Variants in SLA2 observed in about 807,000 individuals in gnomAD.
SLA2 encodes the protein Src like adaptor 2.
In SLA2, 22 loss-of-function variants were observed where a neutral mutation model predicts 27.3. That is an observed-to-expected ratio of 0.81 (90% CI 0.58 to 1.15). The LOEUF (loss-of-function observed/expected upper bound fraction) is 1.15. Among genes scored for constraint, SLA2 ranks in the 50% most tolerant of loss-of-function variants. The pLI is 0.00. For missense variants in SLA2, 304 were observed against 322.2 expected, an observed-to-expected ratio of 0.94 and a Z score of 0.43; for synonymous variants, 131 against 137.8, an observed-to-expected ratio of 0.95 and a Z score of 0.34.
intron 5 of SLA2, among the ~76,000 whole-genome samples, chr20:36,630,839 G>C (rs909252430): frequency 1.3e-5 from 2 of 152,162 alleles, no homozygotes; most frequent in Admixed American, 6.5e-5. Context: ...CCTGCACCTG[G>C]GGTGGGAGAA....
In SLA2 at chr20:36,612,532, G is replaced by A; in HGVS notation, c.*1334C>T. On this transcript the variant is annotated 3_prime_UTR_variant, in exon 8 of 8. Transcript: ENST00000262866. ...CATTGTAGAATGTTTTCACATACTTGAATAAATCAAATCTTTAATTGAGAA... is the reference window on the plus strand; with the variant it reads ...CATTGTAGAATGTTTTCACATACTTAAATAAATCAAATCTTTAATTGAGAA... The A allele has an allele frequency of 2.6e-6, 1 of 388,800 alleles. No individual in the cohort carries two copies. Among genetic ancestry groups the A allele is most frequent in the Non-Finnish European group, 4.8e-6 (1 of 207,430 alleles). The allele number at this position is 388,800 out of a possible 1,614,324, so 24.1% of individuals were successfully genotyped here.
rs2039185513 is a variant in SLA2, at chr20:36,614,584, T to C, written c.533-147A>G. ...CATGAGCCCCAAGCTATTGGTTTCA[T>C]GGAGACAGATGTAGTCAAAGGTCTT... On this transcript the variant is annotated intron_variant, in intron 6 of 7. Coordinates refer to ENST00000262866, the MANE Select transcript of SLA2 (RefSeq NM_032214.4). 9 of 1,431,990 alleles carry C rather than the reference T, an allele frequency of 6.3e-6. No homozygotes were observed. In the East Asian group the frequency reaches 2.3e-4, roughly 36 times the overall value. 88.7% of individuals were successfully genotyped at this position (1,431,990 alleles called of 1,614,324 possible).
rs796130916 is a variant in SLA2 at position 36,636,345 on chromosome 20, C to T, written c.92-1756G>A. 8.9e-3 allele frequency among the ~76,000 whole-genome samples: 1,298 copies of T among 145,916 alleles called. 23 individuals are homozygous for T. The highest frequency in any genetic ancestry group is 0.031 in the African/African-American group (1,213 of 38,602). ...CTGAGGCAGGAGAATGGCGTGAACC[C>T]GGGAAGCGGAGCTTGCAGTGAGCCG... On this transcript the variant is annotated intron_variant, in intron 2 of 7. Transcript: ENST00000262866.
chr20:36,635,609 C>G (rs145747009), intron 2 of SLA2, among the ~76,000 whole-genome samples: 1 of 152,042 alleles, frequency 6.6e-6, no homozygotes, highest in African/African-American at 2.4e-5. Flanking sequence ...TGCAGTGAAC[C>G]CAGCCTGGAG....
chr20:36,615,354 G>C lies in SLA2; in HGVS notation c.403C>G (p.Arg135Gly). 1 of 1,614,006 alleles carries C rather than the reference G, an allele frequency of 6.2e-7. No individual in the cohort carries two copies. The highest frequency in any genetic ancestry group is 8.5e-7 in the Non-Finnish European group (1 of 1,180,022). The change falls in exon 6 of 8, where the codon CGC becomes GGC. Residue 135 changes from arginine (R) to glycine (G), a missense_variant. Coordinates refer to ENST00000262866, the MANE Select transcript of SLA2 (RefSeq NM_032214.4). ...TRRGSYSLSVRLSRPASWDRI... is the reference protein window; with the variant it reads ...TRRGSYSLSVGLSRPASWDRI... The stretch of plus-strand genomic sequence containing the variant: ...TCCCAGGATGCAGGGCGGCTGAGGC[G>C]GACTGACAGAGAGTAAGAGCCTGAG...
chr20:36,616,831 G>T (rs532297805), intron 5 of SLA2, among the ~76,000 whole-genome samples: 1 of 152,124 alleles, frequency 6.6e-6, no homozygotes. Context: ...AGTGGCTCAC[G>T]CCTGTAATCC....
intron 5 of SLA2, among the ~76,000 whole-genome samples, chr20:36,623,183 G>A (rs1283419482): frequency 3.6e-5 from 5 of 138,802 alleles, no homozygotes; most frequent in African/African-American, 1.3e-4. Flanking sequence ...GCAAGGTATT[G>A]TTTGAACCAG....
chr20:36,633,607 G>C lies in SLA2; in HGVS notation c.214C>G (p.Leu72Val). ...TACTCTCTGCCTGAGACTTCAGACA[G>C]CACCGTCCACCAGTCTCCATCCCTG... ...VSEDGDWWTV[L>V]SEVSGREYNI... The change falls in exon 4 of 8, where the codon CTG (leucine) becomes GTG (valine). Residue 72 changes from leucine to valine, a missense_variant. Physicochemically the swap from Leu to Val is conservative, Grantham distance 32. Transcript: ENST00000262866. 6.2e-7 allele frequency: 1 copy of C among 1,613,964 alleles called. No homozygotes were observed. Among genetic ancestry groups the C allele is most frequent in the East Asian group, 2.2e-5 (1 of 44,872 alleles).
intron 5 of SLA2, among the ~76,000 whole-genome samples, chr20:36,630,188 T>C (rs1389477555): frequency 1.3e-5 from 2 of 152,334 alleles, no homozygotes; most frequent in Non-Finnish European, 1.5e-5. Context: ...TGTGGTTTCC[T>C]GTTTGCAGCT....
At chr20:36,625,991 A>ATGG (rs1568604587) in intron 5 of SLA2, among the ~76,000 whole-genome samples, 1 of 151,722 alleles carries the variant, frequency 6.6e-6, no homozygotes, top group East Asian at 1.9e-4. Context: ...TGGGCCAGAC[A>ATGG]TGGTGGGTCA....
chr20:36,632,085 C>T (rs1314215821), intron 5 of SLA2, among the ~76,000 whole-genome samples: 5 of 152,176 alleles, frequency 3.3e-5, no homozygotes, highest in African/African-American at 1.2e-4. Context: ...TGCATCCTCT[C>T]GTTTCCCCCA....
At chr20:36,614,155 C>A in intron 7 of SLA2, 150 bp downstream of exon 7, 1 of 1,467,182 alleles carries the variant, frequency 6.8e-7, no homozygotes, top group Non-Finnish European at 9.4e-7. Context: ...CGAGCCTGGG[C>A]CGTGCTCCAG....
Position 36,614,825 on chromosome 20 carries a change from G to A in SLA2, c.533-388C>T, listed in dbSNP as rs144051106. ...TGCTCTTCCCTCTCTGCCCCCTGAC[G>A]CTGTGCCCAGTGACTGCATCTTCCA... is the stretch of plus-strand genomic sequence containing the variant. On this transcript the variant is annotated intron_variant, in intron 6 of 7. Coordinates refer to ENST00000262866, the MANE Select transcript of SLA2 (RefSeq NM_032214.4). The A allele has an allele frequency of 2.3e-3, 2,304 of 985,358 alleles. 5 individuals carry two copies. Among genetic ancestry groups the A allele is most frequent in the Middle Eastern group, 0.014 (26 of 1,914 alleles). The allele number at this position is 985,358 out of a possible 1,614,324, so 61.0% of individuals were successfully genotyped here. A position where few individuals can be genotyped will look rare whatever the true frequency, so the allele number is the denominator to read the frequency against.
At chr20:36,634,160 G>A (rs2039420313) in intron 3 of SLA2, among the ~76,000 whole-genome samples, 1 of 151,864 alleles carries the variant, frequency 6.6e-6, no homozygotes, top group South Asian at 2.1e-4. Flanking sequence ...GCTAATTTTT[G>A]TATTTTTAGT....
chr20:36,620,040 A>G (rs921006684), intron 5 of SLA2, among the ~76,000 whole-genome samples: 29 of 151,320 alleles, frequency 1.9e-4, no homozygotes, highest in African/African-American at 6.8e-4. Flanking sequence ...GGCAGAGGCA[A>G]TTATTATGCC....
intron 1 of SLA2, among the ~76,000 whole-genome samples, chr20:36,645,530 C>T (rs1335436992): frequency 3.9e-5 from 6 of 152,080 alleles, no homozygotes; most frequent in Non-Finnish European, 7.4e-5. Flanking sequence ...CTGACTGCAG[C>T]GCAGAGAGGG....
At chr20:36,644,868 G>GTTTTTTTT (rs3066378) in intron 1 of SLA2, among the ~76,000 whole-genome samples, 4 of 80,672 alleles carry the variant, frequency 5.0e-5, no homozygotes, top group Non-Finnish European at 7.1e-5. Context: ...AGAATATTGT[G>GTTTTTTTT]TTTTTTTTTT....
At chr20:36,633,005 C>A (rs969455867) in intron 4 of SLA2, among the ~76,000 whole-genome samples, 3 of 152,198 alleles carry the variant, frequency 2.0e-5, no homozygotes, top group Non-Finnish European at 4.4e-5. Flanking sequence ...CCTGCTCAGT[C>A]CCCAAAGCAC....
At chr20:36,641,872 G>T (rs1456301831) in intron 1 of SLA2, among the ~76,000 whole-genome samples, 1 of 151,808 alleles carries the variant, frequency 6.6e-6, no homozygotes, top group Non-Finnish European at 1.5e-5. Context: ...AGGTCTGCAA[G>T]GAGGGCTGGG....
Sources: gnomAD v4.1 joint callset for allele counts (sites outside exome capture counted in the v4.1 genomes callset) on GRCh38, gnomAD v4.1.1 for gene constraint, MANE v1.5 for transcripts, NCBI Gene and HGNC (gene_info 2026-07-23, HGNC 2026-07-21) for gene names.